The following NUBPL variants were observed in gnomAD, a reference collection of about 807,000 sequenced individuals.
The protein encoded by NUBPL is iron-sulfur cluster transfer protein NUBPL.
A neutral mutation model predicts 45.7 loss-of-function variants in NUBPL; 31 were observed. The ratio of observed to expected loss-of-function variants is 0.68; its 90% CI spans 0.51 to 0.92. NUBPL has a LOEUF of 0.92. Among genes scored for constraint, NUBPL ranks in the 40% least tolerant of loss-of-function variants. The pLI is 0.00. For missense variants in NUBPL, 401 were observed against 398.7 expected (o/e 1.01, Z -0.05); for synonymous variants, 144 against 140.9 (o/e 1.02, Z -0.15).
chr14:31,834,501 A>G (rs10143821), intron 8 of NUBPL, among the ~76,000 whole-genome samples: 2,538 of 152,194 alleles, frequency 0.017, 61 homozygotes, highest in African/African-American at 0.056. Flanking sequence ...TTTAGTATTT[A>G]TTTGTAAAGG....
intron 7 of NUBPL, among the ~76,000 whole-genome samples, chr14:31,820,019 A>G (rs187612040): frequency 0.011 from 1,613 of 151,984 alleles, 26 homozygotes; most frequent in African/African-American, 0.037. Context: ...GGGTGCCTGT[A>G]GTCCCAGCTA....
intron 4 of NUBPL, among the ~76,000 whole-genome samples, chr14:31,658,464 G>A (rs1283239951): frequency 6.6e-6 from 1 of 151,738 alleles, no homozygotes. Context: ...ATATTTCACT[G>A]CACTAAAAAT....
chr14:31,750,411 G>A (rs932224853), intron 6 of NUBPL, among the ~76,000 whole-genome samples: 23 of 147,260 alleles, frequency 1.6e-4, no homozygotes, highest in African/African-American at 4.0e-4. Context: ...GGGTTTCACC[G>A]TGGTCTCGAT....
intron 4 of NUBPL, among the ~76,000 whole-genome samples, chr14:31,600,522 G>A (rs2034404067): frequency 6.6e-6 from 1 of 152,226 alleles, no homozygotes; most frequent in South Asian, 2.1e-4. Context: ...ACACAAGACT[G>A]TGGTCGTGGC....
intron 6 of NUBPL, among the ~76,000 whole-genome samples, chr14:31,692,879 G>A (rs1414416677): frequency 1.3e-5 from 2 of 152,070 alleles, no homozygotes; most frequent in African/African-American, 4.8e-5. Context: ...AATGGCAAGT[G>A]ATTATACAAG....
At chr14:31,853,729 C>T (rs1198212094) in intron 10 of NUBPL, among the ~76,000 whole-genome samples, 4 of 152,114 alleles carry the variant, frequency 2.6e-5, no homozygotes, top group Non-Finnish European at 5.9e-5. Context: ...ATGGGCAAAA[C>T]CTTCTGCACA....
intron 3 of NUBPL, among the ~76,000 whole-genome samples, chr14:31,593,802 T>G (rs774648812): frequency 1.3e-5 from 2 of 152,128 alleles, no homozygotes; most frequent in African/African-American, 4.8e-5. Flanking sequence ...CTTGGGGGAA[T>G]AGGATTTCTG....
Position 31,806,672 on chromosome 14 carries a change from A to T in NUBPL, c.607+18799A>T, listed in dbSNP as rs112785570. ...TCTAGGGTACATGTGCACAACGTGC[A>T]GGTTTGTTACATATGTGTATACATG... On this transcript the variant is annotated intron_variant, in intron 7 of 10. Coordinates refer to ENST00000281081, the MANE Select transcript of NUBPL (RefSeq NM_025152.3). Among the ~76,000 whole-genome samples the T allele has an allele frequency of 7.6e-3, 1,152 of 152,262 alleles. 16 individuals are homozygous for T. Among genetic ancestry groups the T allele is most frequent in the African/African-American group, 0.026 (1,073 of 41,538 alleles).
At chr14:31,807,962 G>A (rs1278696881) in intron 7 of NUBPL, among the ~76,000 whole-genome samples, 2 of 152,108 alleles carry the variant, frequency 1.3e-5, no homozygotes, top group Non-Finnish European at 2.9e-5. Context: ...TGAGGGCTCT[G>A]TTCTGTTCCA....
At chr14:31,570,134 T>C (rs2033543448) in intron 3 of NUBPL, among the ~76,000 whole-genome samples, 1 of 152,206 alleles carries the variant, frequency 6.6e-6, no homozygotes, top group African/African-American at 2.4e-5. Context: ...AAACATATAC[T>C]GTGGAAGCTT....
At chr14:31,624,183 A>G (rs924540924) in intron 4 of NUBPL, among the ~76,000 whole-genome samples, 5 of 152,184 alleles carry the variant, frequency 3.3e-5, no homozygotes, top group Admixed American at 6.6e-5. Context: ...GAATGGATGA[A>G]TAGACCTTGG....
intron 6 of NUBPL, among the ~76,000 whole-genome samples, chr14:31,764,003 G>A (rs1044734365): frequency 2.0e-5 from 3 of 152,126 alleles, no homozygotes; most frequent in Admixed American, 1.3e-4. Flanking sequence ...GCACATTTTT[G>A]TCACGATAAT....
chr14:31,775,936 G>T (rs1031222831), intron 6 of NUBPL, among the ~76,000 whole-genome samples: 3 of 152,206 alleles, frequency 2.0e-5, no homozygotes, highest in African/African-American at 7.2e-5. Flanking sequence ...GATGGGGAGA[G>T]ACAGCCAGGT....
intron 4 of NUBPL, among the ~76,000 whole-genome samples, chr14:31,656,028 C>T (rs1205852240): frequency 1.3e-5 from 2 of 152,196 alleles, no homozygotes; most frequent in Admixed American, 6.5e-5. Context: ...TTCTGGATAA[C>T]TTGCTACACC....
intron 7 of NUBPL, among the ~76,000 whole-genome samples, chr14:31,824,218 G>A (rs779522109): frequency 4.6e-5 from 7 of 152,066 alleles, no homozygotes; most frequent in Admixed American, 4.6e-4. Flanking sequence ...ATTTGTAGAT[G>A]AAGAAACAAA....
At chr14:31,627,441 G>A (rs2035233525) in intron 4 of NUBPL, among the ~76,000 whole-genome samples, 1 of 151,962 alleles carries the variant, frequency 6.6e-6, no homozygotes, top group African/African-American at 2.4e-5. Flanking sequence ...ATAATATAGT[G>A]CAGTGGTTCT....
At chr14:31,793,396 C>G (rs1336236896) in intron 7 of NUBPL, among the ~76,000 whole-genome samples, 1 of 152,122 alleles carries the variant, frequency 6.6e-6, no homozygotes, top group Non-Finnish European at 1.5e-5. Flanking sequence ...TCCCCAAACC[C>G]GCATTTAGGA....
intron 6 of NUBPL, among the ~76,000 whole-genome samples, chr14:31,773,119 G>A (rs1046313134): frequency 1.3e-5 from 2 of 151,994 alleles, no homozygotes; most frequent in Non-Finnish European, 2.9e-5. Context: ...TTATTATTCA[G>A]ATTTTTATTG....
chr14:31,856,754 A>G (rs1475797497), intron 10 of NUBPL, among the ~76,000 whole-genome samples: 1 of 152,174 alleles, frequency 6.6e-6, no homozygotes, highest in Non-Finnish European at 1.5e-5. Context: ...CCTTGACTCT[A>G]TGTCTCACAT....
Sources: allele counts gnomAD v4.1 joint callset (sites outside exome capture counted in the v4.1 genomes callset), GRCh38; gene constraint gnomAD v4.1.1; transcripts MANE v1.5; gene names NCBI Gene and HGNC (gene_info 2026-07-23, HGNC 2026-07-21).